DIP2B: variants seen among roughly 807,000 people sequenced by gnomAD.
DIP2B encodes disco-interacting protein 2 homolog B.
A neutral mutation model predicts 198.0 loss-of-function variants in DIP2B; 76 were observed. That is an observed-to-expected ratio of 0.38 (90% CI 0.32 to 0.46). DIP2B has a LOEUF of 0.46. DIP2B is among the 20% of genes least tolerant of loss of function. The pLI is 0.99. For missense variants in DIP2B, 1,559 were observed against 1,978.4 expected, an observed-to-expected ratio of 0.79 and a Z score of 4.02; for synonymous variants, 701 against 739.1, an observed-to-expected ratio of 0.95 and a Z score of 0.84.
chr12:50,526,600 A>G (rs1235360811), intron 1 of DIP2B, among the ~76,000 whole-genome samples: 1 of 136,416 alleles, frequency 7.3e-6, no homozygotes, highest in South Asian at 2.4e-4. Context: ...TACTTTGCAC[A>G]TGCATTGATT....
chr12:50,657,175 G>C (rs1448117815), intron 3 of DIP2B: 1 of 146,864 alleles, frequency 6.8e-6, no homozygotes, highest in East Asian at 2.0e-4. Flanking sequence ...CTTGAGCCCA[G>C]GAGTTTGAGA....
intron 4 of DIP2B, among the ~76,000 whole-genome samples, chr12:50,661,489 T>A (rs1938646574): frequency 6.6e-6 from 1 of 152,230 alleles, no homozygotes; most frequent in Non-Finnish European, 1.5e-5. Flanking sequence ...TGTGCTTTTT[T>A]TCTTCACATC....
At chr12:50,690,994 CA>C in intron 12 of DIP2B, 54 bp from the exon 13 acceptor site, 2 of 1,481,154 alleles carry the variant, frequency 1.4e-6, no homozygotes, top group Non-Finnish European at 1.9e-6. Context: ...CTAGTTTTGT[CA>C]TCTGAAATAA....
At chr12:50,606,871 A>G (rs1292892802) in intron 1 of DIP2B, among the ~76,000 whole-genome samples, 6 of 150,422 alleles carry the variant, frequency 4.0e-5, no homozygotes, top group Middle Eastern at 3.4e-3. Flanking sequence ...CAGTGGCACT[A>G]TCTTGGCTCA....
intron 4 of DIP2B, among the ~76,000 whole-genome samples, chr12:50,666,843 A>G (rs1938762794): frequency 6.6e-6 from 1 of 152,120 alleles, no homozygotes; most frequent in South Asian, 2.1e-4. Flanking sequence ...AACACGCTGA[A>G]ACCTTGTCTC....
intron 25 of DIP2B, 95 bp downstream of exon 25, chr12:50,719,130 G>A: frequency 7.4e-7 from 1 of 1,354,994 alleles, no homozygotes. Context: ...AATTTCTGTT[G>A]CCATCTCTGA....
At chr12:50,699,261 G>A (rs1939374030) in intron 19 of DIP2B, 59 bp downstream of exon 19, 2 of 1,603,288 alleles carry the variant, frequency 1.2e-6, no homozygotes, top group Non-Finnish European at 1.7e-6. Flanking sequence ...TGTTACGAGG[G>A]CAGATCCCCT....
chr12:50,646,529 C>T (rs982340924), intron 3 of DIP2B, among the ~76,000 whole-genome samples: 3 of 152,168 alleles, frequency 2.0e-5, no homozygotes, highest in Non-Finnish European at 2.9e-5. Context: ...TAAAGTAATT[C>T]TCGTGCCTCA....
chr12:50,680,684 G>A lies in DIP2B; in HGVS notation c.1127G>A (p.Ser376Asn). 6.2e-7 allele frequency: 1 copy of A among 1,612,642 alleles called. No individual in the cohort carries two copies. Among genetic ancestry groups the A allele is most frequent in the South Asian group, 1.1e-5 (1 of 90,488 alleles). The change falls in exon 9 of 38, where the codon AGC (serine) becomes AAC (asparagine). Residue 376 changes from serine (S) to asparagine (N), a missense_variant. Ser to Asn is a conservative substitution (Grantham distance 46). Coordinates refer to ENST00000301180, the MANE Select transcript of DIP2B (RefSeq NM_173602.3). Reference sequence around the variant, plus strand: ...CCTTTTTTTCCAGGAAAGTTGTGGAGCAGAAGTTTAAAGTTGGCCTACACA... The same window carrying A: ...CCTTTTTTTCCAGGAAAGTTGTGGAACAGAAGTTTAAAGTTGGCCTACACA... ...VYTLTYGKLWSRSLKLAYTLL... is the reference protein window; with the variant it reads ...VYTLTYGKLWNRSLKLAYTLL...
intron 2 of DIP2B, among the ~76,000 whole-genome samples, chr12:50,636,095 AGTACT>A (rs1938155110): frequency 6.6e-6 from 1 of 152,230 alleles, no homozygotes; most frequent in African/African-American, 2.4e-5. Flanking sequence ...GAGTAGAATA[AGTACT>A]GTAAGAGAGC....
intron 22 of DIP2B, 58 bp downstream of exon 22, chr12:50,708,620 A>G: frequency 7.1e-7 from 1 of 1,404,098 alleles, no homozygotes; most frequent in South Asian, 1.2e-5. Context: ...CTGCCTAAGC[A>G]TTTCATTTTC....
chr12:50,742,388 C>G (rs1332921963), intron 37 of DIP2B, among the ~76,000 whole-genome samples: 3 of 38,380 alleles, frequency 7.8e-5, no homozygotes, highest in African/African-American at 2.0e-4. Context: ...CAGACTGAGA[C>G]TGTCTCAAAA....
chr12:50,661,196 C>T (rs17124847), intron 4 of DIP2B, among the ~76,000 whole-genome samples: 2 of 152,082 alleles, frequency 1.3e-5, no homozygotes, highest in Non-Finnish European at 2.9e-5. Context: ...CATAGTAAAT[C>T]TATTTCAGAG....
intron 1 of DIP2B, among the ~76,000 whole-genome samples, chr12:50,571,797 ATCC>A (rs1434250873): frequency 6.6e-6 from 1 of 150,474 alleles, no homozygotes; most frequent in Non-Finnish European, 1.5e-5. Flanking sequence ...TGACCTCGTG[ATCC>A]TCCTGCCTCG....
At chr12:50,605,044 G>C (rs1958969866) in intron 1 of DIP2B, among the ~76,000 whole-genome samples, 1 of 152,054 alleles carries the variant, frequency 6.6e-6, no homozygotes, top group Admixed American at 6.6e-5. Context: ...TAAATGACTT[G>C]AAGTTTATAT....
chr12:50,509,560 C>T (rs571041703), intron 1 of DIP2B, among the ~76,000 whole-genome samples: 60 of 152,282 alleles, frequency 3.9e-4, no homozygotes, highest in African/African-American at 1.3e-3. Flanking sequence ...TGTTTCATCA[C>T]GTAGCTTTGT....
At chr12:50,717,527 G>A (rs1305699881) in intron 23 of DIP2B, among the ~76,000 whole-genome samples, 2 of 151,786 alleles carry the variant, frequency 1.3e-5, no homozygotes, top group African/African-American at 4.8e-5. Context: ...CACCATACCC[G>A]GCTAATTTTT....
intron 18 of DIP2B, among the ~76,000 whole-genome samples, chr12:50,698,850 C>G (rs1939365827): frequency 6.6e-6 from 1 of 152,186 alleles, no homozygotes; most frequent in South Asian, 2.1e-4. Flanking sequence ...TTTATTTGGG[C>G]TTTGCATTCA....
chr12:50,632,686 G>A (rs1472864853), intron 2 of DIP2B, among the ~76,000 whole-genome samples: 1 of 151,366 alleles, frequency 6.6e-6, no homozygotes, highest in East Asian at 2.0e-4. Context: ...ACAGGCATGT[G>A]CTACCACACC....
Sources: gnomAD v4.1 joint callset for allele counts (sites outside exome capture counted in the v4.1 genomes callset) on GRCh38, gnomAD v4.1.1 for gene constraint, MANE v1.5 for transcripts, NCBI Gene and HGNC (gene_info 2026-07-23, HGNC 2026-07-21) for gene names.